Variants in KDM4C observed in about 807,000 individuals in gnomAD.
KDM4C encodes lysine-specific demethylase 4C.
Under a neutral mutation model 129.3 loss-of-function variants are expected in KDM4C, and 81 were observed. That is an observed-to-expected ratio of 0.63 (90% CI 0.52 to 0.75). The LOEUF (loss-of-function observed/expected upper bound fraction) is 0.75. Ranked by LOEUF, KDM4C falls within the 30% of genes least tolerant of loss-of-function variation. KDM4C has a pLI of 0.00. For missense variants in KDM4C, 1,457 were observed against 1,304.0 expected (o/e 1.12, Z -1.81); for synonymous variants, 573 against 456.1 (o/e 1.26, Z -3.26).
chr9:7,135,201 C>T (rs1194366266), intron 19 of KDM4C, among the ~76,000 whole-genome samples: 1 of 152,172 alleles, frequency 6.6e-6, no homozygotes, highest in Non-Finnish European at 1.5e-5. Context: ...CCTGATGTCC[C>T]ATGCAGGAGA....
chr9:6,737,427 G>A (rs1016222961), intron 1 of KDM4C, among the ~76,000 whole-genome samples: 10 of 151,596 alleles, frequency 6.6e-5, no homozygotes, highest in South Asian at 2.1e-4. Flanking sequence ...TTGGGAGGCC[G>A]AGGCAGATGG....
chr9:6,954,812 C>T (rs1828783315), intron 8 of KDM4C, among the ~76,000 whole-genome samples: 1 of 152,172 alleles, frequency 6.6e-6, no homozygotes, highest in Non-Finnish European at 1.5e-5. Flanking sequence ...CTCCCTATTT[C>T]ATGGGTTTTA....
rs770499561 is a variant in KDM4C, at chr9:7,011,740, C to CA, written c.1830dup (p.Glu611ArgfsTer17). 3 of 1,614,130 alleles carry CA rather than the reference C, an allele frequency of 1.9e-6. No individual in the cohort carries two copies. Among genetic ancestry groups the CA allele is most frequent in the Non-Finnish European group, 2.5e-6 (3 of 1,179,996 alleles). On this transcript the variant is annotated frameshift_variant, in exon 13 of 22. Coordinates refer to ENST00000381309, the MANE Select transcript of KDM4C (RefSeq NM_015061.6). LOFTEE classifies it high-confidence loss of function. Reference sequence around the variant, plus strand: ...TCCATTGAGGAGGAAGTGGAAGAAACAGAGTCTTGGGCGAAACCTCTCATC... The same window carrying CA: ...TCCATTGAGGAGGAAGTGGAAGAAACAAGAGTCTTGGGCGAAACCTCTCATC...
chr9:6,791,168 G>T (rs2130860434), intron 1 of KDM4C, among the ~76,000 whole-genome samples: 1 of 152,306 alleles, frequency 6.6e-6, no homozygotes, highest in African/African-American at 2.4e-5. Flanking sequence ...CTGGAGTGCA[G>T]TGGCATGATC....
rs1817084900 is a variant in KDM4C at position 6,899,763 on chromosome 9, G to GT, written c.921+6533dup. 2.0e-5 allele frequency among the ~76,000 whole-genome samples: 3 copies of GT among 152,324 alleles called. No homozygotes were observed. In the South Asian group the frequency reaches 6.2e-4, roughly 32 times the overall value. ...CTTCAGGTATGATGGTATCAAACCA[G>GT]TTGGTTAGTATATATTGCTGAAGTC... On this transcript the variant is annotated intron_variant, in intron 8 of 21. Coordinates refer to ENST00000381309, the MANE Select transcript of KDM4C (RefSeq NM_015061.6).
intron 12 of KDM4C, among the ~76,000 whole-genome samples, chr9:7,009,818 T>C (rs556311748): frequency 6.6e-6 from 1 of 152,218 alleles, no homozygotes; most frequent in Non-Finnish European, 1.5e-5. Context: ...TGGTTTGAAT[T>C]GTTTGACTCT....
chr9:6,855,074 A>G (rs1307981761), intron 5 of KDM4C, among the ~76,000 whole-genome samples: 3 of 152,256 alleles, frequency 2.0e-5, no homozygotes, highest in Admixed American at 6.5e-5. Flanking sequence ...TTAACGTTTC[A>G]TACATTCATT....
At chr9:7,068,723 T>G (rs1832791666) in intron 17 of KDM4C, among the ~76,000 whole-genome samples, 1 of 143,150 alleles carries the variant, frequency 7.0e-6, no homozygotes, top group Non-Finnish European at 1.5e-5. Flanking sequence ...TGAAACAGAA[T>G]TTTGCTCTTG....
intron 19 of KDM4C, among the ~76,000 whole-genome samples, chr9:7,129,065 G>A (rs1467113949): frequency 6.6e-6 from 1 of 152,156 alleles, no homozygotes; most frequent in Non-Finnish European, 1.5e-5. Flanking sequence ...CTTTCGGGGG[G>A]TGTGTGAGTT....
intron 19 of KDM4C, among the ~76,000 whole-genome samples, chr9:7,163,998 A>G (rs542855368): frequency 1.6e-4 from 24 of 152,326 alleles, no homozygotes; most frequent in African/African-American, 5.3e-4. Context: ...ATAAGGCACA[A>G]TTTCTATTAG....
chr9:6,828,249 G>A (rs1165850299), intron 4 of KDM4C, among the ~76,000 whole-genome samples: 1 of 152,148 alleles, frequency 6.6e-6, no homozygotes, highest in East Asian at 1.9e-4. Context: ...CCAGGTTCAG[G>A]CCATTCTCCT....
At chr9:6,945,555 T>G (rs1340674221) in intron 8 of KDM4C, among the ~76,000 whole-genome samples, 1 of 152,184 alleles carries the variant, frequency 6.6e-6, no homozygotes, top group Non-Finnish European at 1.5e-5. Context: ...TAGGATCTAC[T>G]TGAGAAAATT....
At chr9:6,856,576 G>GTA (rs1839873256) in intron 5 of KDM4C, among the ~76,000 whole-genome samples, 1 of 135,758 alleles carries the variant, frequency 7.4e-6, no homozygotes, top group African/African-American at 2.8e-5. Context: ...GTGTGTGTGT[G>GTA]TGTGTATTTT....
chr9:6,770,451 T>C (rs935513885), intron 1 of KDM4C, among the ~76,000 whole-genome samples: 4 of 152,172 alleles, frequency 2.6e-5, no homozygotes, highest in Non-Finnish European at 5.9e-5. Flanking sequence ...GTGTATTTCA[T>C]GTCAAGGAAG....
chr9:7,084,365 G>T (rs534825583), intron 17 of KDM4C, among the ~76,000 whole-genome samples: 1 of 152,200 alleles, frequency 6.6e-6, no homozygotes, highest in African/African-American at 2.4e-5. Context: ...CAAGACAAAC[G>T]TTTTGTTAGC....
At chr9:7,127,815 G>T in intron 18 of KDM4C, 2 of 352,154 alleles carry the variant, frequency 5.7e-6, no homozygotes, top group Non-Finnish European at 1.0e-5. Context: ...CTTTGTATAT[G>T]CATACACACA....
chr9:6,770,398 TC>T (rs1300872160), intron 1 of KDM4C, among the ~76,000 whole-genome samples: 1 of 152,198 alleles, frequency 6.6e-6, no homozygotes, highest in Admixed American at 6.6e-5. Context: ...ATTTATGGTT[TC>T]CTATTTCATT....
rs540287236 is a variant in KDM4C, at chr9:7,106,539, A to T, written c.2610+2669A>T. 2.7e-4 allele frequency among the ~76,000 whole-genome samples: 41 copies of T among 152,220 alleles called. 1 individual carries two copies. The South Asian group carries it at 7.5e-3, about 28-fold the overall frequency. ...TTGCTTCAATAGAGTCTCCATTTTT[A>T]CTCACTTTAGGGTTTTTGATTCCCT... On this transcript the variant is annotated intron_variant, in intron 18 of 21. Transcript: ENST00000381309.
chr9:6,963,450 T>C (rs556028549), intron 8 of KDM4C, among the ~76,000 whole-genome samples: 1 of 152,346 alleles, frequency 6.6e-6, no homozygotes, highest in Non-Finnish European at 1.5e-5. Flanking sequence ...CAACTAATTA[T>C]GACCAGTAGT....
Sources: allele counts gnomAD v4.1 joint callset (sites outside exome capture counted in the v4.1 genomes callset), GRCh38; gene constraint gnomAD v4.1.1; transcripts MANE v1.5; gene names NCBI Gene and HGNC (gene_info 2026-07-23, HGNC 2026-07-21).